The following ANKFN1 variants were observed in gnomAD, a reference collection of about 807,000 sequenced individuals.
ANKFN1 encodes the protein ankyrin repeat and fibronectin type-III domain-containing protein 1.
Under a neutral mutation model 108.7 loss-of-function variants are expected in ANKFN1, and 74 were observed. That is an observed-to-expected ratio of 0.68 (90% CI 0.56 to 0.83). The LOEUF is 0.83. Among genes scored for constraint, ANKFN1 ranks in the 40% least tolerant of loss-of-function variants. The probability of loss-of-function intolerance (pLI) is 0.00; values close to 1 mark genes in which losing one functional copy is unlikely to be tolerated. For missense variants in ANKFN1, 1,505 were observed against 1,382.3 expected (o/e 1.09, Z -1.41); for synonymous variants, 547 against 516.2 (o/e 1.06, Z -0.81).
intron 4 of ANKFN1, among the ~76,000 whole-genome samples, chr17:56,106,763 T>C (rs1905760123): frequency 6.6e-6 from 1 of 152,164 alleles, no homozygotes; most frequent in Non-Finnish European, 1.5e-5. Context: ...AATTTCTCCC[T>C]CTGGATTTTG....
At chr17:56,248,097 G>C (rs1447514131) in intron 3 of ANKFN1, among the ~76,000 whole-genome samples, 1 of 152,172 alleles carries the variant, frequency 6.6e-6, no homozygotes, top group Non-Finnish European at 1.5e-5. Flanking sequence ...AACATTGCTG[G>C]AGCCTGGCCT....
At chr17:56,348,115 A>G (rs998300761) in intron 4 of ANKFN1, among the ~76,000 whole-genome samples, 35 of 152,070 alleles carry the variant, frequency 2.3e-4, no homozygotes, top group Admixed American at 1.2e-3. Flanking sequence ...TGAGAATGGA[A>G]AAAAATAAGT....
intron 4 of ANKFN1, among the ~76,000 whole-genome samples, chr17:56,134,277 T>C (rs567593712): frequency 6.6e-6 from 1 of 152,132 alleles, no homozygotes; most frequent in Non-Finnish European, 1.5e-5. Flanking sequence ...GGCACATGGA[T>C]GCATTTGCCA....
At chr17:56,176,660 C>CT (rs35362339) in intron 1 of ANKFN1, among the ~76,000 whole-genome samples, 1 of 152,130 alleles carries the variant, frequency 6.6e-6, no homozygotes, top group Non-Finnish European at 1.5e-5. Flanking sequence ...ACTCAAAGCA[C>CT]TTTTTTAAGA....
chr17:56,321,548 TAACA>T (rs980440421), intron 3 of ANKFN1, among the ~76,000 whole-genome samples: 1 of 151,954 alleles, frequency 6.6e-6, no homozygotes, highest in Non-Finnish European at 1.5e-5. Flanking sequence ...AATTTATGTC[TAACA>T]AACAAACCAC....
At chr17:56,389,246 A>G (rs1325356280) in intron 8 of ANKFN1, among the ~76,000 whole-genome samples, 1 of 152,228 alleles carries the variant, frequency 6.6e-6, no homozygotes, top group African/African-American at 2.4e-5. Flanking sequence ...AACTATTTAT[A>G]CATACAACAA....
intron 1 of ANKFN1, among the ~76,000 whole-genome samples, chr17:56,182,922 C>T (rs1194934016): frequency 6.6e-6 from 1 of 152,140 alleles, no homozygotes; most frequent in Non-Finnish European, 1.5e-5. Context: ...ATCTACTTTG[C>T]CTGTACTCTA....
At chr17:56,508,766 CCA>C (rs2051651341) in intron 20 of ANKFN1, among the ~76,000 whole-genome samples, 1 of 152,320 alleles carries the variant, frequency 6.6e-6, no homozygotes, top group Non-Finnish European at 1.5e-5. Context: ...CTATGTTCTG[CCA>C]CAGTCTCACA....
At chr17:56,384,237 A>C (rs1357143038) in intron 8 of ANKFN1, among the ~76,000 whole-genome samples, 1 of 152,252 alleles carries the variant, frequency 6.6e-6, no homozygotes, top group Non-Finnish European at 1.5e-5. Flanking sequence ...CCACGTGATT[A>C]TCTCAATAGA....
At chr17:56,358,736 A>G (rs1000309396) in intron 6 of ANKFN1, among the ~76,000 whole-genome samples, 1 of 152,186 alleles carries the variant, frequency 6.6e-6, no homozygotes, top group Non-Finnish European at 1.5e-5. Flanking sequence ...AGGAAAGCCA[A>G]TGTATAGAGG....
intron 3 of ANKFN1, among the ~76,000 whole-genome samples, chr17:56,233,409 A>G (rs1319711423): frequency 6.6e-6 from 1 of 152,086 alleles, no homozygotes; most frequent in Admixed American, 6.6e-5. Context: ...TTTTTGCTGA[A>G]GTCCTTCAAA....
chr17:56,308,675 A>G (rs2044917818), intron 3 of ANKFN1, among the ~76,000 whole-genome samples: 1 of 152,062 alleles, frequency 6.6e-6, no homozygotes, highest in Non-Finnish European at 1.5e-5. Flanking sequence ...GTCTTTTACC[A>G]TTTACTGTTC....
intron 4 of ANKFN1, among the ~76,000 whole-genome samples, chr17:56,054,014 C>G (rs530990288): frequency 6.6e-6 from 1 of 152,302 alleles, no homozygotes; most frequent in East Asian, 1.9e-4. Context: ...TCCTCCCTCC[C>G]TCTTCTGATT....
rs1182729541 is a variant in ANKFN1 at position 56,457,255 on chromosome 17, AG to A, written c.1310del. On this transcript the variant is annotated splice_acceptor_variant, in intron 12 of 20. Transcript: ENST00000682825. LOFTEE classifies it high-confidence loss of function. ...TGCTTTTATTTTCCTTTTTCTTTTT[AG>A]GGGACTCTACATAGCCGTTATATTT... 3.2e-6 allele frequency: 5 copies of A among 1,557,054 alleles called. No homozygotes were observed. The highest frequency in any genetic ancestry group is 8.6e-7 in the Non-Finnish European group (1 of 1,156,550).
intron 1 of ANKFN1, among the ~76,000 whole-genome samples, chr17:56,165,566 C>G (rs569238049): frequency 6.6e-6 from 1 of 152,312 alleles, no homozygotes; most frequent in East Asian, 1.9e-4. Context: ...TAGTCAGCAC[C>G]ACACACCCTC....
At chr17:56,261,369 G>T (rs571223007) in intron 3 of ANKFN1, among the ~76,000 whole-genome samples, 3 of 152,300 alleles carry the variant, frequency 2.0e-5, no homozygotes, top group East Asian at 3.9e-4. Context: ...AACCTGGGTA[G>T]CTCTATAACT....
intron 8 of ANKFN1, among the ~76,000 whole-genome samples, chr17:56,383,023 T>G (rs1254286691): frequency 6.6e-6 from 1 of 152,130 alleles, no homozygotes; most frequent in African/African-American, 2.4e-5. Context: ...CAACAGAATA[T>G]ACATTTTCTT....
At chr17:56,131,755 G>T (rs1055674989) in intron 4 of ANKFN1, among the ~76,000 whole-genome samples, 6 of 152,162 alleles carry the variant, frequency 3.9e-5, no homozygotes, top group African/African-American at 1.4e-4. Flanking sequence ...GTCAGGGGTG[G>T]TGGCTCATTC....
At chr17:56,260,689 A>G (rs1362787402) in intron 3 of ANKFN1, among the ~76,000 whole-genome samples, 1 of 152,242 alleles carries the variant, frequency 6.6e-6, no homozygotes, top group Non-Finnish European at 1.5e-5. Flanking sequence ...TTCAAAAAAA[A>G]TAGTTTGAAA....
Sources: allele counts gnomAD v4.1 joint callset (sites outside exome capture counted in the v4.1 genomes callset), GRCh38; gene constraint gnomAD v4.1.1; transcripts MANE v1.5; gene names NCBI Gene and HGNC (gene_info 2026-07-23, HGNC 2026-07-21).